AKAP9: variants seen among roughly 807,000 people sequenced by gnomAD.
AKAP9 encodes A-kinase anchoring protein 9.
A neutral mutation model predicts 488.5 loss-of-function variants in AKAP9; 311 were observed. The ratio of observed to expected loss-of-function variants is 0.64; its 90% confidence interval spans 0.58 to 0.70. AKAP9 has a LOEUF of 0.70. Ranked by LOEUF, AKAP9 falls within the 30% of genes least tolerant of loss-of-function variation. The pLI is 0.00. For missense variants in AKAP9, 4,215 were observed against 4,374.5 expected, an observed-to-expected ratio of 0.96 and a Z score of 1.03; for synonymous variants, 1,462 against 1,483.5, an observed-to-expected ratio of 0.99 and a Z score of 0.33.
chr7:92,014,275 C>G lies in AKAP9; in HGVS notation c.3559C>G (p.Leu1187Val). 1 of 1,613,096 alleles carries G rather than the reference C, an allele frequency of 6.2e-7. No homozygotes were observed. The highest frequency in any genetic ancestry group is 8.5e-7 in the Non-Finnish European group (1 of 1,179,254). Residue 1187 changes from leucine (L) to valine (V), a missense_variant, in exon 10 of 50, where the codon CTC becomes GTC. This residue lies in a region of AKAP9 where 2,361 missense variants were observed against 2,430.0 expected (regional missense o/e 0.97). Coordinates refer to ENST00000356239, the MANE Select transcript of AKAP9 (RefSeq NM_005751.5). ...TGDEGKPLHL[L>V]IGKLQKAVSE... ...TGATGAAGGAAAGCCTTTACATCTGCTCATTGGAAAACTTCAAAAGGCAGT... is the reference window on the plus strand; with the variant it reads ...TGATGAAGGAAAGCCTTTACATCTGGTCATTGGAAAACTTCAAAAGGCAGT...
At chr7:92,014,644 A>T (rs1479925192) in intron 10 of AKAP9, among the ~76,000 whole-genome samples, 1 of 152,080 alleles carries the variant, frequency 6.6e-6, no homozygotes, top group African/African-American at 2.4e-5. Context: ...AATAATAATA[A>T]ATTTTAAAAA....
rs377030786 is a variant in AKAP9, at chr7:92,001,747, G to A, written c.1830G>A (p.Val610=). 4.3e-6 allele frequency: 7 copies of A among 1,613,220 alleles called. No individual in the cohort carries two copies. The highest frequency in any genetic ancestry group is 1.3e-5 in the African/African-American group (1 of 74,934). Reference sequence around the variant, plus strand: ...TGTTAGAAAAAGAAAAGAATGCTGTGTTAGACAGAATGGCTGAATCACAAG... The same window carrying A: ...TGTTAGAAAAAGAAAAGAATGCTGTATTAGACAGAATGGCTGAATCACAAG... ...LEMLEKEKNA[V]LDRMAESQEA... The change falls in exon 8 of 50, where the codon GTG becomes GTA. Residue 610 remains valine (V), a synonymous_variant. Transcript: ENST00000356239.
intron 38 of AKAP9, chr7:92,090,773 T>C (rs1008884035): frequency 6.6e-6 from 1 of 152,254 alleles, no homozygotes; most frequent in African/African-American, 2.4e-5. Context: ...GTGTTTCTGC[T>C]ACATATGTGC....
intron 46 of AKAP9, among the ~76,000 whole-genome samples, chr7:92,103,387 C>CAAA (rs898565298): frequency 1.5e-4 from 4 of 25,918 alleles, no homozygotes; most frequent in African/African-American, 5.9e-4. Context: ...GAGACTCTGT[C>CAAA]AAAAAAAAAA....
At chr7:91,978,053 G>A (rs1584672602) in intron 2 of AKAP9, among the ~76,000 whole-genome samples, 1 of 151,992 alleles carries the variant, frequency 6.6e-6, no homozygotes, top group South Asian at 2.1e-4. Flanking sequence ...ACCAGCCTGG[G>A]CAACATGGTG....
intron 1 of AKAP9, 149 bp downstream of exon 1, chr7:91,941,296 GCCCTCCT>G: frequency 1.5e-6 from 1 of 670,130 alleles, no homozygotes; most frequent in Non-Finnish European, 2.5e-6. Flanking sequence ...ATCTCTCCTC[GCCCTCCT>G]CCTTTCCCCT....
rs1468640383 is a variant in AKAP9, at chr7:92,079,227, A to G, written c.7094A>G (p.Asn2365Ser). The change falls in exon 31 of 50, where the codon AAT becomes AGT. Residue 2365 changes from asparagine (N) to serine (S), a missense_variant. Coordinates refer to ENST00000356239, the MANE Select transcript of AKAP9 (RefSeq NM_005751.5). ...GAAAAACTTCAACAGGAATTGGCAA[A>G]TATTGGACAGAAGACATCAATGAAT... ...VIEKLQQELANIGQKTSMNAH... is the reference protein window; with the variant it reads ...VIEKLQQELASIGQKTSMNAH... The G allele has an allele frequency of 8.1e-6, 13 of 1,613,974 alleles. No individual in the cohort carries two copies. In the East Asian group the frequency reaches 2.9e-4, roughly 36 times the overall value.
At chr7:91,944,859 A>G (rs1253507225) in intron 1 of AKAP9, among the ~76,000 whole-genome samples, 1 of 152,230 alleles carries the variant, frequency 6.6e-6, no homozygotes, top group Non-Finnish European at 1.5e-5. Flanking sequence ...AGTGTATAAT[A>G]TAGTTGGGAT....
intron 2 of AKAP9, among the ~76,000 whole-genome samples, chr7:91,976,213 A>G (rs1270245094): frequency 3.3e-5 from 5 of 150,922 alleles, no homozygotes; most frequent in Non-Finnish European, 5.9e-5. Flanking sequence ...ATTAGCCACT[A>G]TGCCCATCCA....
chr7:92,095,111 G>A lies in AKAP9; in HGVS notation c.9667G>A (p.Ala3223Thr). ...EQKKSRELQWALEKEKAKLGR... is the reference protein window; with the variant it reads ...EQKKSRELQWTLEKEKAKLGR... ...GAAAAAATCAAGAGAGCTCCAGTGGGCTTTGGAGAAAGAGAAAGCCAAGTT... is the reference window on the plus strand; with the variant it reads ...GAAAAAATCAAGAGAGCTCCAGTGGACTTTGGAGAAAGAGAAAGCCAAGTT... The change falls in exon 40 of 50, where the codon GCT becomes ACT. Residue 3223 changes from alanine to threonine, a missense_variant. By Grantham distance (58) the Ala-to-Thr change is moderately conservative. Around this residue, in one of 5 missense-constraint regions of AKAP9, gnomAD observed 1,476 missense variants for 1,477.4 expected, o/e 1.00. Transcript: ENST00000356239. The A allele has an allele frequency of 6.2e-7, 1 of 1,614,190 alleles. No homozygotes were observed. The highest frequency in any genetic ancestry group is 8.5e-7 in the Non-Finnish European group (1 of 1,180,018).
At chr7:92,041,740 G>T (rs1214540265) in intron 18 of AKAP9, 2 of 277,004 alleles carry the variant, frequency 7.2e-6, no homozygotes, top group East Asian at 1.7e-4. Context: ...ACATTATTTG[G>T]AAAAATTAAC....
At position 92,045,054 on chromosome 7, in the gene AKAP9, G is replaced by A; in HGVS notation, c.5209G>A (p.Glu1737Lys). 1 of 1,613,532 alleles carries A rather than the reference G, an allele frequency of 6.2e-7. No individual in the cohort carries two copies. Among genetic ancestry groups the A allele is most frequent in the Non-Finnish European group, 8.5e-7 (1 of 1,179,828 alleles). Residue 1737 changes from glutamate to lysine, a missense_variant, in exon 21 of 50, where the codon GAA becomes AAA. By Grantham distance (56) the Glu-to-Lys change is moderately conservative (BLOSUM62 1). Coordinates refer to ENST00000356239, the MANE Select transcript of AKAP9 (RefSeq NM_005751.5). ...ANNRLLKILL[E>K]VVKTTAAVEE... ...TAATAGACTTTTGAAGATCCTCTTA[G>A]AAGTTGTAAAGACAACAGCAGCTGT...
Position 92,021,794 on chromosome 7 carries a change from G to A in AKAP9, c.3838-444G>A, listed in dbSNP as rs187467989. Among the ~76,000 whole-genome samples, 662 of 152,204 alleles carry A rather than the reference G, an allele frequency of 4.3e-3. 3 individuals are homozygous for A. Among genetic ancestry groups the A allele is most frequent in the Non-Finnish European group, 6.2e-3 (421 of 68,004 alleles). ...TTATTTTCTTTTCTTTTTGTTTACTGTACAGAGCACCATACCATTTGTCAG... is the reference window on the plus strand; with the variant it reads ...TTATTTTCTTTTCTTTTTGTTTACTATACAGAGCACCATACCATTTGTCAG... On this transcript the variant is annotated intron_variant, in intron 12 of 49. Transcript: ENST00000356239.
intron 29 of AKAP9, 86 bp downstream of exon 29, chr7:92,077,093 TTTC>T: frequency 1.5e-5 from 5 of 338,398 alleles, no homozygotes; most frequent in African/African-American, 4.9e-5. Context: ...TTATTATTTC[TTTC>T]TTTTTTTTTT....
At position 91,993,049 on chromosome 7, in the gene AKAP9, G is replaced by A. The variant is rs778455688; in HGVS notation, c.570G>A (p.Leu190=). Reference sequence around the variant, plus strand: ...GGGTTACCTATGGGACTGAAGGACTGCAGCAGGTATGTTTATTTTCTGTGG... The same window carrying A: ...GGGTTACCTATGGGACTGAAGGACTACAGCAGGTATGTTTATTTTCTGTGG... ...EMRVTYGTEG[L]QQLQEFEAAI... The change falls in exon 5 of 50, where the codon CTG becomes CTA. Residue 190 remains leucine, a synonymous_variant. Coordinates refer to ENST00000356239, the MANE Select transcript of AKAP9 (RefSeq NM_005751.5). 1.9e-6 allele frequency: 3 copies of A among 1,614,022 alleles called. No individual in the cohort carries two copies. In the East Asian group the frequency reaches 6.7e-5, roughly 36 times the overall value.
At position 92,073,340 on chromosome 7, in the gene AKAP9, CAAAAAA is replaced by C. The variant is rs397713211; in HGVS notation, c.6612+2342_6612+2347del. ...TGAAACCCCATCTCTACTAAAAATA[CAAAAAA>C]AAAAAAAAAATTAGCCGGGTGTGGT... On this transcript the variant is annotated intron_variant, in intron 28 of 49. Coordinates refer to ENST00000356239, the MANE Select transcript of AKAP9 (RefSeq NM_005751.5). Among the ~76,000 whole-genome samples, 4 of 127,094 alleles carry C rather than the reference CAAAAAA, an allele frequency of 3.1e-5. No individual in the cohort carries two copies. In the South Asian group the frequency reaches 7.8e-4, roughly 25 times the overall value. 83.4% of individuals were successfully genotyped at this position (127,094 alleles called of 152,430 possible). A position where few individuals can be genotyped will look rare whatever the true frequency, so the allele number is the denominator to read the frequency against.
At position 92,098,166 on chromosome 7, in the gene AKAP9, T is replaced by A. The variant is rs1170240048; in HGVS notation, c.10665T>A (p.Asp3555Glu). The A allele has an allele frequency of 6.2e-7, 1 of 1,612,602 alleles. No homozygotes were observed. The highest frequency in any genetic ancestry group is 8.5e-7 in the Non-Finnish European group (1 of 1,178,886). Residue 3555 changes from aspartate (D) to glutamate (E), a missense_variant, in exon 43 of 50, where the codon GAT becomes GAA. Transcript: ENST00000356239. ...TCATTTGGGTTCAGGAAAATATTGA[T>A]GAAATTATTTTACAACTACAGAAAT... Reference protein sequence around the residue: ...EDFIWVQENIDEIILQLQKLT... With the variant: ...EDFIWVQENIEEIILQLQKLT...
intron 43 of AKAP9, 107 bp downstream of exon 43, chr7:92,098,321 A>T (rs896650319): frequency 6.0e-5 from 39 of 649,580 alleles, no homozygotes; most frequent in Admixed American, 6.0e-4. Flanking sequence ...ATAGAGTTTT[A>T]TTTGTATCTT....
intron 8 of AKAP9, among the ~76,000 whole-genome samples, chr7:92,009,109 A>G (rs1562972124): frequency 6.6e-6 from 1 of 152,140 alleles, no homozygotes; most frequent in Non-Finnish European, 1.5e-5. Context: ...GCTTGAGCCC[A>G]GGAGTTCAAG....
Sources: allele counts gnomAD v4.1 joint callset (sites outside exome capture counted in the v4.1 genomes callset), GRCh38; gene constraint gnomAD v4.1.1; regional missense constraint gnomAD v4.1.1; transcripts MANE v1.5; gene names NCBI Gene and HGNC (gene_info 2026-07-23, HGNC 2026-07-21).